MSRA: variants seen among roughly 807,000 people sequenced by gnomAD.
MSRA encodes the protein methionine sulfoxide reductase A, also known as mitochondrial peptide methionine sulfoxide reductase.
A neutral mutation model predicts 31.3 loss-of-function variants in MSRA; 54 were observed. That is an observed-to-expected ratio of 1.73 (90% CI 1.39 to 2.17). The LOEUF is 2.17. Among genes scored for constraint, MSRA ranks in the 30% most tolerant of loss-of-function variants. MSRA has a pLI of 0.00. For synonymous variants in MSRA, 169 were observed against 116.5 expected, an observed-to-expected ratio of 1.45 and a Z score of -2.90; for missense variants, 507 against 300.9, an observed-to-expected ratio of 1.69 and a Z score of -5.07.
At chr8:10,404,891 G>A (rs113654227) in intron 5 of MSRA, among the ~76,000 whole-genome samples, 1 of 152,148 alleles carries the variant, frequency 6.6e-6, no homozygotes, top group Non-Finnish European at 1.5e-5. Flanking sequence ...AGTGTGTGTG[G>A]TAAGCGGCAC....
At chr8:10,233,815 C>G (rs1054351620) in intron 2 of MSRA, among the ~76,000 whole-genome samples, 7 of 151,972 alleles carry the variant, frequency 4.6e-5, no homozygotes, top group African/African-American at 1.5e-4. Flanking sequence ...AGATGTGAAT[C>G]ATCATATTCA....
chr8:10,410,699 G>A (rs771342148), intron 5 of MSRA, among the ~76,000 whole-genome samples: 4 of 152,128 alleles, frequency 2.6e-5, no homozygotes, highest in African/African-American at 9.7e-5. Context: ...ATCTCCTGGA[G>A]AACTCCTGGA....
At chr8:10,380,992 G>C (rs1356896812) in intron 5 of MSRA, among the ~76,000 whole-genome samples, 1 of 152,056 alleles carries the variant, frequency 6.6e-6, no homozygotes, top group Non-Finnish European at 1.5e-5. Flanking sequence ...TGGATGAAGA[G>C]ATGCATAGAT....
intron 1 of MSRA, among the ~76,000 whole-genome samples, chr8:10,141,284 G>C (rs558502445): frequency 9.8e-5 from 15 of 152,322 alleles, no homozygotes; most frequent in African/African-American, 3.6e-4. Context: ...CGGGAGGCCT[G>C]TGCAACTGCC....
At chr8:10,383,365 G>A (rs565257191) in intron 5 of MSRA, among the ~76,000 whole-genome samples, 1 of 152,202 alleles carries the variant, frequency 6.6e-6, no homozygotes, top group Non-Finnish European at 1.5e-5. Context: ...CACAGGGTCA[G>A]TTTCAAAGCG....
chr8:10,256,137 C>G (rs1021808764), intron 3 of MSRA, among the ~76,000 whole-genome samples: 2 of 151,700 alleles, frequency 1.3e-5, no homozygotes, highest in Non-Finnish European at 2.9e-5. Flanking sequence ...AGCCCATCCT[C>G]CCCCCCCAAC....
At chr8:10,059,842 C>T (rs1351082277) in intron 1 of MSRA, among the ~76,000 whole-genome samples, 6 of 152,188 alleles carry the variant, frequency 3.9e-5, no homozygotes, top group Non-Finnish European at 5.9e-5. Flanking sequence ...AGACCGTTTA[C>T]AGAAAAGTAC....
intron 1 of MSRA, among the ~76,000 whole-genome samples, chr8:10,100,011 G>A (rs1799428147): frequency 6.6e-6 from 1 of 152,164 alleles, no homozygotes; most frequent in Non-Finnish European, 1.5e-5. Flanking sequence ...CAGAGAAGGT[G>A]GTGAGGGCAG....
At chr8:10,393,800 A>G (rs759763196) in intron 5 of MSRA, among the ~76,000 whole-genome samples, 2 of 152,200 alleles carry the variant, frequency 1.3e-5, no homozygotes, top group Non-Finnish European at 2.9e-5. Flanking sequence ...CATTGAATTG[A>G]GACAGTTTTG....
At chr8:10,100,465 A>G (rs780314898) in intron 1 of MSRA, among the ~76,000 whole-genome samples, 1 of 151,950 alleles carries the variant, frequency 6.6e-6, no homozygotes, top group African/African-American at 2.4e-5. Context: ...AGGTATTGGG[A>G]GAAGGTCAAA....
chr8:10,309,554 T>A (rs1489755574), intron 4 of MSRA, among the ~76,000 whole-genome samples: 1 of 152,210 alleles, frequency 6.6e-6, no homozygotes, highest in African/African-American at 2.4e-5. Flanking sequence ...CTCAATCAGC[T>A]CCTCTTCACC....
chr8:10,424,208 G>C (rs1173699282), intron 5 of MSRA, among the ~76,000 whole-genome samples: 1 of 152,224 alleles, frequency 6.6e-6, no homozygotes, highest in Non-Finnish European at 1.5e-5. Context: ...GAGATCGTGT[G>C]CAAGGGAATG....
intron 3 of MSRA, among the ~76,000 whole-genome samples, chr8:10,300,726 G>C (rs879563889): frequency 6.6e-6 from 1 of 152,102 alleles, no homozygotes; most frequent in Admixed American, 6.5e-5. Context: ...AAAACAGATA[G>C]ATAAAAAATT....
chr8:10,091,942 A>C (rs554825047), intron 1 of MSRA, among the ~76,000 whole-genome samples: 1 of 152,072 alleles, frequency 6.6e-6, no homozygotes, highest in Admixed American at 6.6e-5. Flanking sequence ...GAACCTCCAT[A>C]CTGTTTTCCA....
At chr8:10,112,620 A>C (rs1402880967) in intron 1 of MSRA, among the ~76,000 whole-genome samples, 1 of 152,228 alleles carries the variant, frequency 6.6e-6, no homozygotes, top group East Asian at 1.9e-4. Context: ...AGCACCTACT[A>C]TGTGCTAAGC....
chr8:10,265,931 C>T (rs146338605), intron 3 of MSRA, among the ~76,000 whole-genome samples: 1 of 152,220 alleles, frequency 6.6e-6, no homozygotes, highest in African/African-American at 2.4e-5. Context: ...CTCGGATCAG[C>T]AGTTCACTCC....
chr8:10,061,640 A>G (rs933961441), intron 1 of MSRA, among the ~76,000 whole-genome samples: 4 of 152,012 alleles, frequency 2.6e-5, no homozygotes, highest in African/African-American at 9.7e-5. Flanking sequence ...GTGTTTTATG[A>G]ACGTTGGGAA....
At chr8:10,363,781 A>ACACACACACACACACACACACACACAC (rs1554540819) in intron 5 of MSRA, among the ~76,000 whole-genome samples, 1 of 21,026 alleles carries the variant, frequency 4.8e-5, no homozygotes, top group East Asian at 2.7e-3. Context: ...CACACACACT[A>ACACACACACACACACACACACACACAC]GCTGGTTGTT....
intron 3 of MSRA, among the ~76,000 whole-genome samples, chr8:10,255,614 G>A (rs921565305): frequency 6.6e-6 from 1 of 152,044 alleles, no homozygotes; most frequent in Admixed American, 6.6e-5. Context: ...GTGTGTCTTT[G>A]TGCACAAGAA....
Sources: gnomAD v4.1 joint callset for allele counts (sites outside exome capture counted in the v4.1 genomes callset) on GRCh38, gnomAD v4.1.1 for gene constraint, MANE v1.5 for transcripts, NCBI Gene and HGNC (gene_info 2026-07-23, HGNC 2026-07-21) for gene names.